The following SORCS1 variants were observed in gnomAD, a reference collection of about 807,000 sequenced individuals.
SORCS1 encodes VPS10 domain-containing receptor SorCS1.
In SORCS1, 60 loss-of-function variants were observed where a neutral mutation model predicts 146.1. The observed-to-expected ratio is 0.41, with a 90% confidence interval of 0.33 to 0.51. SORCS1 has a LOEUF of 0.51. Among genes scored for constraint, SORCS1 ranks in the 20% least tolerant of loss-of-function variants. SORCS1 has a pLI of 0.21. For synonymous variants in SORCS1, 637 were observed against 584.0 expected (o/e 1.09, Z -1.31); for missense variants, 1,352 against 1,487.6 (o/e 0.91, Z 1.50).
chr10:106,754,875 A>G (rs943251896), intron 5 of SORCS1, among the ~76,000 whole-genome samples: 4 of 152,220 alleles, frequency 2.6e-5, no homozygotes, highest in African/African-American at 9.6e-5. Context: ...ATGTATCACC[A>G]TTCAGCTGTC....
At chr10:106,633,778 G>T (rs1848571376) in intron 18 of SORCS1, among the ~76,000 whole-genome samples, 4 of 152,150 alleles carry the variant, frequency 2.6e-5, no homozygotes, top group Admixed American at 2.0e-4. Flanking sequence ...CTGGGCCTTT[G>T]ATATCAACAT....
chr10:106,986,806 TTTTTA>T (rs1201223324), intron 1 of SORCS1, among the ~76,000 whole-genome samples: 6 of 152,180 alleles, frequency 3.9e-5, no homozygotes, highest in South Asian at 2.1e-4. Context: ...ACTTCTGGAA[TTTTTA>T]TTTTGCTTTT....
chr10:107,131,603 T>A (rs1158047798), intron 1 of SORCS1, among the ~76,000 whole-genome samples: 1 of 152,186 alleles, frequency 6.6e-6, no homozygotes, highest in African/African-American at 2.4e-5. Context: ...CAGGTGCCTT[T>A]AGTCCCAGCT....
intron 17 of SORCS1, among the ~76,000 whole-genome samples, chr10:106,656,156 T>C (rs1345090517): frequency 6.6e-6 from 1 of 152,230 alleles, no homozygotes; most frequent in Non-Finnish European, 1.5e-5. Context: ...AATTTTTAGC[T>C]ATTCTCTTCC....
At chr10:106,679,517 A>T in intron 11 of SORCS1, 115 bp downstream of exon 11, 1 of 1,063,952 alleles carries the variant, frequency 9.4e-7, no homozygotes, top group Non-Finnish European at 1.4e-6. Context: ...TAGCTTGCTC[A>T]TTAAGTTCCA....
Position 106,629,344 on chromosome 10 carries a change from A to T in SORCS1, c.2520T>A (p.Gly840=), listed in dbSNP as rs1848295922. 6.2e-7 allele frequency: 1 copy of T among 1,614,068 alleles called. No individual in the cohort carries two copies. Among genetic ancestry groups the T allele is most frequent in the South Asian group, 1.1e-5 (1 of 91,080 alleles). Reference sequence around the variant, plus strand: ...TGAGATTGACGTAAGACACCGCGATACCATCGCCAAAGTCCACTTGGATGA... The same window carrying T: ...TGAGATTGACGTAAGACACCGCGATTCCATCGCCAAAGTCCACTTGGATGA... ...RTLIQVDFGD[G]IAVSYVNLSS... The change falls in exon 19 of 26, where the codon GGT becomes GGA. Residue 840 remains glycine, a synonymous_variant. Transcript: ENST00000263054.
chr10:106,726,887 C>T (rs1042382871), intron 6 of SORCS1, among the ~76,000 whole-genome samples: 2 of 152,004 alleles, frequency 1.3e-5, no homozygotes, highest in East Asian at 3.9e-4. Context: ...GAGATCGAGA[C>T]CATCCTGGCT....
At chr10:107,097,024 A>G (rs1689818742) in intron 1 of SORCS1, among the ~76,000 whole-genome samples, 1 of 152,216 alleles carries the variant, frequency 6.6e-6, no homozygotes, top group South Asian at 2.1e-4. Context: ...CTTTAAGGAG[A>G]ATAACCTCTC....
At chr10:106,853,593 T>A (rs1949672460) in intron 2 of SORCS1, among the ~76,000 whole-genome samples, 1 of 152,038 alleles carries the variant, frequency 6.6e-6, no homozygotes, top group Non-Finnish European at 1.5e-5. Flanking sequence ...ATATACACTT[T>A]CAACATTGTA....
chr10:106,652,584 A>T (rs1849955947), intron 17 of SORCS1, 31 bp from the exon 18 acceptor site: 16 of 1,603,928 alleles, frequency 1.0e-5, no homozygotes, highest in Non-Finnish European at 1.4e-5. Flanking sequence ...GTCGTAAACC[A>T]GCTCATTATA....
chr10:106,686,451 A>C (rs1446278090), intron 10 of SORCS1, among the ~76,000 whole-genome samples: 1 of 152,206 alleles, frequency 6.6e-6, no homozygotes, highest in Admixed American at 6.5e-5. Context: ...TCCAAAGTGC[A>C]GAGTAGAGAC....
the SORCS1 span, among the ~76,000 whole-genome samples, chr10:107,176,288 C>T: frequency 6.7e-6 from 1 of 149,056 alleles, no homozygotes; most frequent in East Asian, 2.0e-4. Context: ...TCCTTCTTTT[C>T]CTGCCTTTCT....
At chr10:106,627,318 C>G (rs11192980) in intron 19 of SORCS1, among the ~76,000 whole-genome samples, 18,871 of 152,074 alleles carry the variant, frequency 0.12, 1,545 homozygotes, top group East Asian at 0.32. Flanking sequence ...TGTGATTGGA[C>G]TACGGTAGAT....
chr10:106,755,535 A>AT (rs1858568951), intron 5 of SORCS1, among the ~76,000 whole-genome samples: 2 of 151,956 alleles, frequency 1.3e-5, no homozygotes, highest in South Asian at 2.1e-4. Context: ...CCATCTCTAT[A>AT]TTTTTTCCCT....
intron 19 of SORCS1, among the ~76,000 whole-genome samples, chr10:106,628,219 C>T (rs1220060350): frequency 6.6e-6 from 1 of 152,164 alleles, no homozygotes; most frequent in Non-Finnish European, 1.5e-5. Flanking sequence ...GACTCAACAA[C>T]CAAAACACCT....
chr10:106,887,543 C>T (rs1479678734), intron 2 of SORCS1, among the ~76,000 whole-genome samples: 1 of 152,106 alleles, frequency 6.6e-6, no homozygotes, highest in Admixed American at 6.5e-5. Flanking sequence ...CGCCACTCTA[C>T]TCCAGCCTAC....
intron 1 of SORCS1, among the ~76,000 whole-genome samples, chr10:106,972,245 G>A (rs1295497463): frequency 6.6e-6 from 1 of 151,912 alleles, no homozygotes; most frequent in African/African-American, 2.4e-5. Context: ...AGCCGGGCAT[G>A]GTGGCATGCA....
At chr10:106,997,034 C>T (rs1024365324) in intron 1 of SORCS1, among the ~76,000 whole-genome samples, 1 of 141,328 alleles carries the variant, frequency 7.1e-6, no homozygotes, top group Admixed American at 7.0e-5. Context: ...TCTTTAACAT[C>T]CTTTTTTTTT....
chr10:106,930,117 A>G (rs1482788273), intron 2 of SORCS1, among the ~76,000 whole-genome samples: 1 of 152,034 alleles, frequency 6.6e-6, no homozygotes, highest in East Asian at 1.9e-4. Flanking sequence ...CGTCTCTACT[A>G]AAAAAAGTAC....
Sources: allele counts gnomAD v4.1 joint callset (sites outside exome capture counted in the v4.1 genomes callset), GRCh38; gene constraint gnomAD v4.1.1; transcripts MANE v1.5; gene names NCBI Gene and HGNC (gene_info 2026-07-23, HGNC 2026-07-21).